The following RNF13 variants were observed in gnomAD, a reference collection of about 807,000 sequenced individuals.
The protein encoded by RNF13 is E3 ubiquitin-protein ligase RNF13.
In RNF13, 19 loss-of-function variants were observed where a neutral mutation model predicts 37.7. The ratio of observed to expected loss-of-function variants is 0.50; its 90% CI spans 0.35 to 0.74. The LOEUF (loss-of-function observed/expected upper bound fraction) is 0.74. Among genes scored for constraint, RNF13 ranks in the 30% least tolerant of loss-of-function variants. RNF13 has a pLI of 0.01. For missense variants in RNF13, 375 were observed against 453.0 expected, an observed-to-expected ratio of 0.83 and a Z score of 1.56; for synonymous variants, 144 against 157.8, an observed-to-expected ratio of 0.91 and a Z score of 0.65.
chr3:149,844,582 A>G (rs979754189), intron 1 of RNF13, among the ~76,000 whole-genome samples: 1 of 152,200 alleles, frequency 6.6e-6, no homozygotes, highest in Non-Finnish European at 1.5e-5. Flanking sequence ...TCTTACTAGG[A>G]AATAGTGGGA....
intron 8 of RNF13, among the ~76,000 whole-genome samples, chr3:149,923,053 A>G (rs1718303815): frequency 6.6e-6 from 1 of 152,226 alleles, no homozygotes; most frequent in Non-Finnish European, 1.5e-5. Context: ...TATTTTTCAA[A>G]TAATAAAATG....
In RNF13 at chr3:149,888,472, G is replaced by C. The variant is rs151025601; in HGVS notation, c.322-7001G>C. ...TTGCAGGAAATGAATGTATGCTGTT[G>C]CTGGAATATCCTCTGTCTGTCTGAA... is the stretch of plus-strand genomic sequence containing the variant. On this transcript the variant is annotated intron_variant, in intron 4 of 9. Coordinates refer to ENST00000392894, the MANE Select transcript of RNF13 (RefSeq NM_183381.3). Among the ~76,000 whole-genome samples, 49 of 152,324 alleles carry C rather than the reference G, an allele frequency of 3.2e-4. 1 individual carries two copies. In the East Asian group the frequency reaches 8.7e-3, roughly 27 times the overall value.
At chr3:149,954,188 C>A (rs2108608779) in intron 8 of RNF13, among the ~76,000 whole-genome samples, 2 of 151,724 alleles carry the variant, frequency 1.3e-5, no homozygotes, top group East Asian at 1.9e-4. Context: ...GGTATATACA[C>A]ACAGATGTTA....
At chr3:149,865,462 C>G (rs1724717965) in intron 3 of RNF13, among the ~76,000 whole-genome samples, 1 of 151,280 alleles carries the variant, frequency 6.6e-6, no homozygotes, top group Non-Finnish European at 1.5e-5. Context: ...CAGCCCTATA[C>G]CCTCCTGTTT....
chr3:149,862,047 TTA>T (rs1724311804), intron 3 of RNF13, among the ~76,000 whole-genome samples: 1 of 152,144 alleles, frequency 6.6e-6, no homozygotes, highest in Non-Finnish European at 1.5e-5. Context: ...TTTTATGCAC[TTA>T]TATGTGTTAT....
chr3:149,829,813 T>G (rs1044802613), intron 1 of RNF13, among the ~76,000 whole-genome samples: 3 of 152,188 alleles, frequency 2.0e-5, no homozygotes, highest in Non-Finnish European at 4.4e-5. Flanking sequence ...ACATTTCGAA[T>G]TATAGCTCCT....
chr3:149,902,296 A>C (rs927204034), intron 6 of RNF13, 134 bp downstream of exon 6: 3 of 468,938 alleles, frequency 6.4e-6, no homozygotes, highest in Admixed American at 4.2e-5. Flanking sequence ...TTAAATCATT[A>C]TGCTTTTAAG....
At chr3:149,867,467 G>A (rs956770554) in intron 3 of RNF13, among the ~76,000 whole-genome samples, 7 of 151,366 alleles carry the variant, frequency 4.6e-5, no homozygotes, top group East Asian at 1.9e-4. Flanking sequence ...GGGGTTTCAC[G>A]TGTTAGCCAG....
Position 149,961,361 on chromosome 3 carries a change from T to TAA in RNF13, c.*269_*270dup, listed in dbSNP as rs61689176. On this transcript the variant is annotated 3_prime_UTR_variant, in exon 10 of 10. Transcript: ENST00000392894. Reference sequence around the variant, plus strand: ...TTGGAATGAAAGTATAGCCAAAACATAAAAAAAAAAAAATCCTCAGTATAG... The same window carrying TAA: ...TTGGAATGAAAGTATAGCCAAAACATAAAAAAAAAAAAAAATCCTCAGTATAG... The TAA allele has an allele frequency of 0.014, 7,516 of 521,580 alleles. 45 individuals are homozygous for TAA. The highest frequency in any genetic ancestry group is 0.043 in the African/African-American group (2,187 of 51,072). The allele number at this position is 521,580 out of a possible 1,614,324, so 32.3% of individuals were successfully genotyped here.
chr3:149,862,297 C>T (rs897665179), intron 3 of RNF13, among the ~76,000 whole-genome samples: 1 of 151,942 alleles, frequency 6.6e-6, no homozygotes, highest in Non-Finnish European at 1.5e-5. Context: ...ACAGAGCATC[C>T]TGTATATCTG....
chr3:149,936,134 G>A (rs1719647019), intron 8 of RNF13, among the ~76,000 whole-genome samples: 1 of 151,352 alleles, frequency 6.6e-6, no homozygotes, highest in African/African-American at 2.4e-5. Context: ...TATATGTTAT[G>A]CTTCTTTTTT....
chr3:149,881,602 A>T (rs1469502025), intron 4 of RNF13, among the ~76,000 whole-genome samples: 2 of 152,170 alleles, frequency 1.3e-5, no homozygotes, highest in Non-Finnish European at 2.9e-5. Flanking sequence ...AAGTGTTGGG[A>T]TTACAGGTGT....
rs374772889 is a variant in RNF13, at chr3:149,876,229, C to G, written c.321+4075C>G. 1.1e-4 allele frequency among the ~76,000 whole-genome samples: 16 copies of G among 152,272 alleles called. No individual in the cohort carries two copies. In the East Asian group the frequency reaches 2.7e-3, roughly 26 times the overall value. On this transcript the variant is annotated intron_variant, in intron 4 of 9. Coordinates refer to ENST00000392894, the MANE Select transcript of RNF13 (RefSeq NM_183381.3). ...CAAAGGCTGGTAAACAGAAATGGTG[C>G]AACATATGCACTTTATTCAGCAGTG...
chr3:149,824,350 T>C (rs1720272537), intron 1 of RNF13, among the ~76,000 whole-genome samples: 1 of 152,188 alleles, frequency 6.6e-6, no homozygotes, highest in Non-Finnish European at 1.5e-5. Context: ...GGACCTCGGG[T>C]TGGGAAGATT....
In RNF13 at chr3:149,961,431, T is replaced by C; in HGVS notation, c.*327T>C. The C allele has an allele frequency of 4.2e-6, 2 of 471,920 alleles. No individual in the cohort carries two copies. Among genetic ancestry groups the C allele is most frequent in the Non-Finnish European group, 8.2e-6 (2 of 243,726 alleles). 29.2% of individuals were successfully genotyped at this position (471,920 alleles called of 1,614,324 possible). ...TCACAGTATTTAAGTGTTTTGCGTTTTATACATGAGGTCAGTGCTACAGCC... is the reference window on the plus strand; with the variant it reads ...TCACAGTATTTAAGTGTTTTGCGTTCTATACATGAGGTCAGTGCTACAGCC... On this transcript the variant is annotated 3_prime_UTR_variant, in exon 10 of 10. Transcript: ENST00000392894.
chr3:149,939,177 G>A, intron 8 of RNF13: 1 of 515,168 alleles, frequency 1.9e-6, no homozygotes, highest in Non-Finnish European at 3.8e-6. Context: ...TGGTGTTGAT[G>A]GTTTTCAGTC....
intron 8 of RNF13, among the ~76,000 whole-genome samples, chr3:149,925,859 A>T (rs187193371): frequency 6.6e-6 from 1 of 152,126 alleles, no homozygotes; most frequent in African/African-American, 2.4e-5. Context: ...CTGTTGTTCT[A>T]TGTATTTATC....
chr3:149,863,102 C>G (rs1724439763), intron 3 of RNF13, among the ~76,000 whole-genome samples: 1 of 152,166 alleles, frequency 6.6e-6, no homozygotes, highest in Non-Finnish European at 1.5e-5. Context: ...AGTTGCCATT[C>G]TCTTTGAATT....
intron 1 of RNF13, chr3:149,814,393 C>T (rs1248868252): frequency 6.6e-6 from 1 of 152,158 alleles, no homozygotes; most frequent in East Asian, 1.9e-4. Flanking sequence ...ACATTAGCTC[C>T]ATCTCGAAGT....
Sources: allele counts gnomAD v4.1 joint callset (sites outside exome capture counted in the v4.1 genomes callset), GRCh38; gene constraint gnomAD v4.1.1; transcripts MANE v1.5; gene names NCBI Gene and HGNC (gene_info 2026-07-23, HGNC 2026-07-21).